Variants in PDCD4 observed in about 807,000 individuals in gnomAD.
PDCD4 encodes the protein programmed cell death 4, also known as programmed cell death protein 4.
Under a neutral mutation model 54.0 loss-of-function variants are expected in PDCD4, and 56 were observed. The observed-to-expected ratio is 1.04, with a 90% CI of 0.84 to 1.30. The LOEUF (loss-of-function observed/expected upper bound fraction) is 1.30. Among genes scored for constraint, PDCD4 ranks in the 50% most tolerant of loss-of-function variants. The pLI, the probability that PDCD4 is intolerant of heterozygous loss-of-function variation, is 0.00. For synonymous variants in PDCD4, 186 were observed against 194.8 expected (o/e 0.95, Z 0.37); for missense variants, 584 against 559.8 (o/e 1.04, Z -0.44).
At chr10:110,892,744 T>C (rs771895450) in intron 8 of PDCD4, among the ~76,000 whole-genome samples, 2 of 152,150 alleles carry the variant, frequency 1.3e-5, no homozygotes, top group African/African-American at 4.8e-5. Context: ...ATAAATTTAA[T>C]GTAGCCTAAG....
Position 110,888,036 on chromosome 10 carries a change from A to AT in PDCD4, c.777+156dup, listed in dbSNP as rs1409930867. ...AAATATTCCGCTAGCATTTTGATGT[A>AT]TTTTTTCCTAGTTCTTTTGTTTTTT... On this transcript the variant is annotated intron_variant, in intron 6 of 11. Transcript: ENST00000280154. The AT allele has an allele frequency of 5.3e-6, 3 of 567,308 alleles. No individual in the cohort carries two copies. The African/African-American group carries it at 5.7e-5, about 11-fold the overall frequency. 35.1% of individuals were successfully genotyped at this position (567,308 alleles called of 1,614,324 possible).
intron 1 of PDCD4, among the ~76,000 whole-genome samples, chr10:110,874,330 G>A (rs1845469172): frequency 6.6e-6 from 1 of 152,122 alleles, no homozygotes; most frequent in Non-Finnish European, 1.5e-5. Flanking sequence ...CTTTCATCAA[G>A]AATGAAAAAG....
chr10:110,887,929 T>C, intron 6 of PDCD4, 43 bp downstream of exon 6: 1 of 1,285,944 alleles, frequency 7.8e-7, no homozygotes, highest in Non-Finnish European at 1.1e-6. Flanking sequence ...CCCACTACTA[T>C]ATTCCTAATT....
intron 8 of PDCD4, among the ~76,000 whole-genome samples, chr10:110,892,628 G>T (rs1845772642): frequency 6.6e-6 from 1 of 152,200 alleles, no homozygotes; most frequent in African/African-American, 2.4e-5. Flanking sequence ...GATGGACTGT[G>T]TGGGATGGTG....
At chr10:110,881,047 T>C (rs1438286742) in intron 2 of PDCD4, among the ~76,000 whole-genome samples, 186 bp from the exon 3 acceptor site, 1 of 152,174 alleles carries the variant, frequency 6.6e-6, no homozygotes, top group Non-Finnish European at 1.5e-5. Context: ...TCCTTGATAA[T>C]GTGAAAAGTA....
At chr10:110,874,317 A>G (rs768235448) in intron 1 of PDCD4, among the ~76,000 whole-genome samples, 1 of 152,254 alleles carries the variant, frequency 6.6e-6, no homozygotes, top group Non-Finnish European at 1.5e-5. Flanking sequence ...CTCAAAAGTT[A>G]TACTTTCATC....
At chr10:110,880,462 A>G (rs928074463) in intron 2 of PDCD4, 3 of 152,208 alleles carry the variant, frequency 2.0e-5, no homozygotes, top group Non-Finnish European at 2.9e-5. Context: ...TCAATTTTAT[A>G]TAGGCTGGAA....
In PDCD4 at chr10:110,881,481, A is replaced by T; in HGVS notation, c.292A>T (p.Arg98Trp). 1 of 1,614,110 alleles carries T rather than the reference A, an allele frequency of 6.2e-7. No homozygotes were observed. Residue 98 changes from arginine (R) to tryptophan (W), a missense_variant, in exon 3 of 12, where the codon AGG (arginine) becomes TGG (tryptophan). Coordinates refer to ENST00000280154, the MANE Select transcript of PDCD4 (RefSeq NM_014456.5). Reference protein sequence around the residue: ...GLTVPTSPKGRLLDRRSRSGK... With the variant: ...GLTVPTSPKGWLLDRRSRSGK... ...AACTGTGCCAACCAGTCCAAAGGGAAGGTTGCTGGATAGGCGATCCAGATC... is the reference window on the plus strand; with the variant it reads ...AACTGTGCCAACCAGTCCAAAGGGATGGTTGCTGGATAGGCGATCCAGATC...
chr10:110,875,286 A>C (rs1845484822), intron 1 of PDCD4, among the ~76,000 whole-genome samples: 1 of 152,128 alleles, frequency 6.6e-6, no homozygotes, highest in African/African-American at 2.4e-5. Flanking sequence ...ATGTCGTTGT[A>C]CTTACTCCTT....
At chr10:110,877,527 T>G (rs1023916632) in intron 2 of PDCD4, among the ~76,000 whole-genome samples, 6 of 152,224 alleles carry the variant, frequency 3.9e-5, no homozygotes, top group African/African-American at 1.4e-4. Context: ...GTTTTTACTT[T>G]TTAATGTGGC....
intron 2 of PDCD4, 70 bp from the exon 3 acceptor site, chr10:110,881,163 T>TA: frequency 5.2e-6 from 6 of 1,150,354 alleles, no homozygotes; most frequent in Non-Finnish European, 7.5e-6. Context: ...TAATCTAACT[T>TA]ACCACTATAT....
In PDCD4 at chr10:110,890,543, T is replaced by C; in HGVS notation, c.876-13T>C. 1.3e-6 allele frequency: 2 copies of C among 1,552,170 alleles called. No homozygotes were observed. The highest frequency in any genetic ancestry group is 1.8e-6 in the Non-Finnish European group (2 of 1,136,082). Reference sequence around the variant, plus strand: ...TCCAGCTATCAAACTTAAATTTTTTTCTTTCTCTGTAGAGCTGCTCTGGAT... The same window carrying C: ...TCCAGCTATCAAACTTAAATTTTTTCCTTTCTCTGTAGAGCTGCTCTGGAT... On this transcript the variant is annotated splice_polypyrimidine_tract_variant and intron_variant, in intron 7 of 11. Transcript: ENST00000280154.
At chr10:110,873,808 T>C (rs1163411140) in intron 1 of PDCD4, among the ~76,000 whole-genome samples, 1 of 152,248 alleles carries the variant, frequency 6.6e-6, no homozygotes, top group Non-Finnish European at 1.5e-5. Flanking sequence ...CGGGTTATCA[T>C]TGCCTAAAGA....
intron 1 of PDCD4, among the ~76,000 whole-genome samples, chr10:110,875,477 G>T (rs938863750): frequency 1.3e-5 from 2 of 152,104 alleles, no homozygotes; most frequent in African/African-American, 2.4e-5. Flanking sequence ...TTTCAGATAT[G>T]CCGTAATGTG....
rs769470701 is a variant in PDCD4, at chr10:110,876,085, C to G, written c.43+15C>G. 6.3e-7 allele frequency: 1 copy of G among 1,599,270 alleles called. No individual in the cohort carries two copies. The highest frequency in any genetic ancestry group is 8.5e-7 in the Non-Finnish European group (1 of 1,170,296). On this transcript the variant is annotated intron_variant, in intron 2 of 11. Transcript: ENST00000280154. ...AAACCCTGCAGGTAAGTAAGGATAT[C>G]CTTTTTTCTTTTTTTCTTCGTTTTG...
Position 110,898,270 on chromosome 10 carries a change from T to A in PDCD4, c.*182T>A. ...AAGGAAATGTTTTTTCTTTTTTTTT[T>A]GTTTTTCGAGGGGGCAAGGAGGGAC... On this transcript the variant is annotated 3_prime_UTR_variant, in exon 12 of 12. Transcript: ENST00000280154. 2.5e-6 allele frequency: 1 copy of A among 397,926 alleles called. No individual in the cohort carries two copies. The highest frequency in any genetic ancestry group is 4.4e-6 in the Non-Finnish European group (1 of 228,080). 24.6% of individuals were successfully genotyped at this position (397,926 alleles called of 1,614,324 possible).
At chr10:110,894,991 A>T (rs747440211) in intron 10 of PDCD4, among the ~76,000 whole-genome samples, 2 of 152,014 alleles carry the variant, frequency 1.3e-5, no homozygotes, top group Non-Finnish European at 2.9e-5. Flanking sequence ...CCAATGTCTG[A>T]TGTCTGCTTA....
intron 10 of PDCD4, 44 bp from the exon 11 acceptor site, chr10:110,895,903 AT>A (rs765338370): frequency 4.1e-6 from 6 of 1,457,552 alleles, no homozygotes; most frequent in Non-Finnish European, 5.5e-6. Context: ...TATGACATTT[AT>A]TTTATATGGG....
chr10:110,890,111 G>A (rs1197886293), intron 7 of PDCD4, among the ~76,000 whole-genome samples: 7 of 152,312 alleles, frequency 4.6e-5, no homozygotes, highest in Admixed American at 3.9e-4. Flanking sequence ...AACTAAATGT[G>A]ATATTTGGGA....
Sources: allele counts gnomAD v4.1 joint callset (sites outside exome capture counted in the v4.1 genomes callset), GRCh38; gene constraint gnomAD v4.1.1; transcripts MANE v1.5; gene names NCBI Gene and HGNC (gene_info 2026-07-23, HGNC 2026-07-21).